Variants in MYH10 observed in about 807,000 individuals in gnomAD.
MYH10 encodes the protein myosin-10.
Under a neutral mutation model 257.8 loss-of-function variants are expected in MYH10, and 55 were observed. The ratio of observed to expected loss-of-function variants is 0.21; its 90% CI spans 0.17 to 0.27. The LOEUF (loss-of-function observed/expected upper bound fraction) is 0.27. Ranked by LOEUF, MYH10 falls within the 10% of genes least tolerant of loss-of-function variation. The pLI, the probability that MYH10 is intolerant of heterozygous loss-of-function variation, is 1.00. For missense variants in MYH10, 1,631 were observed against 2,500.6 expected, an observed-to-expected ratio of 0.65 and a Z score of 7.42; for synonymous variants, 854 against 921.7, an observed-to-expected ratio of 0.93 and a Z score of 1.33.
At position 8,554,118 on chromosome 17, in the gene MYH10, AC is replaced by A. The variant is rs1324071474; in HGVS notation, c.757-101del. The A allele has an allele frequency of 5.0e-6, 4 of 793,452 alleles. No homozygotes were observed. In the African/African-American group the frequency reaches 5.2e-5, roughly 10 times the overall value. The allele number at this position is 793,452 out of a possible 1,614,324, so 49.2% of individuals were successfully genotyped here. A position where few individuals can be genotyped will look rare whatever the true frequency, so the allele number is the denominator to read the frequency against. The stretch of plus-strand genomic sequence containing the variant: ...GACAACAAGTATCCATGAATTAGTT[AC>A]AATAATGGATCTTATATATTGCCTC... On this transcript the variant is annotated intron_variant, in intron 7 of 42. Transcript: ENST00000360416.
rs201523474 is a variant in MYH10 at position 8,493,154 on chromosome 17, G to GT, written c.4210-131dup. ...GCGGCAGGATCACTTGAGGTCAGGA[G>GT]TTTGAGACCAGCCAGGCCAACATAG... On this transcript the variant is annotated intron_variant, in intron 32 of 42. Coordinates refer to ENST00000360416, the MANE Select transcript of MYH10 (RefSeq NM_001256012.3). The GT allele has an allele frequency of 2.2e-3, 2,219 of 1,008,670 alleles. 36 individuals carry two copies. In the African/African-American group the frequency reaches 0.033, roughly 15 times the overall value. 62.5% of individuals were successfully genotyped at this position (1,008,670 alleles called of 1,614,324 possible).
chr17:8,560,874 G>A (rs2082968116), intron 7 of MYH10: 3 of 541,530 alleles, frequency 5.5e-6, no homozygotes, highest in Admixed American at 2.1e-5. Context: ...TGAGAAGAGG[G>A]AGTGAATATC....
intron 6 of MYH10, among the ~76,000 whole-genome samples, chr17:8,571,479 A>G (rs2083340032): frequency 6.6e-6 from 1 of 152,160 alleles, no homozygotes; most frequent in South Asian, 2.1e-4. Context: ...ACTGAGAGCC[A>G]TTGTTAAAAA....
At chr17:8,579,278 A>G (rs781612548) in intron 4 of MYH10, among the ~76,000 whole-genome samples, 21 of 12,242 alleles carry the variant, frequency 1.7e-3, no homozygotes, top group Middle Eastern at 0.062. Context: ...GACCCTGTCT[A>G]AAAAAAAAAA....
chr17:8,589,221 C>T (rs1242155795), intron 3 of MYH10, 113 bp from the exon 4 acceptor site: 6 of 1,060,732 alleles, frequency 5.7e-6, no homozygotes, highest in South Asian at 4.3e-5. Flanking sequence ...GTAACTACTC[C>T]TCTCGAGCCA....
chr17:8,505,745 C>G (rs563692346), intron 27 of MYH10, among the ~76,000 whole-genome samples: 3 of 152,290 alleles, frequency 2.0e-5, no homozygotes, highest in African/African-American at 7.2e-5. Context: ...CTTTGGGAGG[C>G]CAAGTCAGGT....
chr17:8,477,731 A>G lies in MYH10; in HGVS notation c.5706+607T>C, dbSNP rs902237525. Among the ~76,000 whole-genome samples the G allele has an allele frequency of 7.9e-5, 12 of 152,196 alleles. No individual in the cohort carries two copies. The highest frequency in any genetic ancestry group is 3.9e-4 in the Admixed American group (6 of 15,286). On this transcript the variant is annotated intron_variant, in intron 41 of 42. Transcript: ENST00000360416. This position sits in a 1 kb window ranked among gnomAD's most constrained non-coding sequence, Gnocchi z 4.2. ...CAAAGGCAGTGAAATCCTCAGATCC[A>G]TCCACCTTTCTGGCCAGTGTCTGCA...
chr17:8,587,866 C>T (rs2083967809), intron 4 of MYH10, among the ~76,000 whole-genome samples: 1 of 152,148 alleles, frequency 6.6e-6, no homozygotes, highest in African/African-American at 2.4e-5. Flanking sequence ...TTATTTTTGA[C>T]ATTTTCACCT....
chr17:8,495,635 C>T (rs1396214270), intron 30 of MYH10, among the ~76,000 whole-genome samples: 8 of 152,074 alleles, frequency 5.3e-5, no homozygotes, highest in South Asian at 2.1e-4. Context: ...CACGAATATG[C>T]GTTAACCATA....
intron 17 of MYH10, among the ~76,000 whole-genome samples, chr17:8,529,155 G>C (rs980023945): frequency 6.6e-6 from 1 of 152,050 alleles, no homozygotes; most frequent in Non-Finnish European, 1.5e-5. Flanking sequence ...GAGTGTCCGT[G>C]CTTTAGGTGG....
In MYH10 at chr17:8,481,308, C is replaced by T. The variant is rs199754321; in HGVS notation, c.5264+14G>A. 537 of 1,612,800 alleles carry T rather than the reference C, an allele frequency of 3.3e-4. No individual in the cohort carries two copies. Among genetic ancestry groups the T allele is most frequent in the Non-Finnish European group, 4.3e-4 (513 of 1,179,584 alleles). On this transcript the variant is annotated intron_variant, in intron 38 of 42. Coordinates refer to ENST00000360416, the MANE Select transcript of MYH10 (RefSeq NM_001256012.3). ...TGAGGGCGAAGAACCCACCCCCGGCCGTGGGAGACTCACTTGCCAGAGGCG... is the reference window on the plus strand; with the variant it reads ...TGAGGGCGAAGAACCCACCCCCGGCTGTGGGAGACTCACTTGCCAGAGGCG...
chr17:8,594,749 C>T (rs923240935), intron 3 of MYH10, among the ~76,000 whole-genome samples: 43 of 152,150 alleles, frequency 2.8e-4, no homozygotes, highest in African/African-American at 1.0e-3. Flanking sequence ...TCTGCAAATA[C>T]CCTACACACA....
chr17:8,563,891 G>A (rs1552924), intron 7 of MYH10, among the ~76,000 whole-genome samples: 2 of 3,538 alleles, frequency 5.7e-4, no homozygotes, highest in African/African-American at 8.5e-4. Context: ...AGTCAACTTG[G>A]AAAAAAAAAA....
intron 3 of MYH10, among the ~76,000 whole-genome samples, chr17:8,594,019 T>C (rs568963951): frequency 6.6e-6 from 1 of 152,302 alleles, no homozygotes; most frequent in South Asian, 2.1e-4. Context: ...GAATAGACCT[T>C]TGTTGATTTT....
chr17:8,478,892 G>T (rs904652122), intron 40 of MYH10, among the ~76,000 whole-genome samples: 2 of 152,124 alleles, frequency 1.3e-5, no homozygotes, highest in Non-Finnish European at 2.9e-5. Context: ...CCACCACGCT[G>T]GGCTAATTTG....
At chr17:8,499,712 CTAAG>C (rs1198121612) in intron 29 of MYH10, among the ~76,000 whole-genome samples, 1 of 152,194 alleles carries the variant, frequency 6.6e-6, no homozygotes, top group Admixed American at 6.5e-5. Context: ...GCTCACTGTG[CTAAG>C]TAATTAGCCT....
rs139275961 is a variant in MYH10, at chr17:8,627,253, G to C, written c.-32+3401C>G. Among the ~76,000 whole-genome samples, 159 of 152,204 alleles carry C rather than the reference G, an allele frequency of 1.0e-3. 2 individuals are homozygous for C. The Middle Eastern group carries it at 0.024, about 23-fold the overall frequency. ...CTAAACACTATGAGGAGAGTCATCT[G>C]TTCCACGCTGTATCTTGAGCATTTT... On this transcript the variant is annotated intron_variant, in intron 1 of 42. Transcript: ENST00000360416.
chr17:8,536,769 A>C lies in MYH10; in HGVS notation c.1606-838T>G, dbSNP rs1164721314. ...AGCCGAGATGGTGCCATTGCACTCCAGCCTGGGTAACAGAGCAAGACTCTG... is the reference window on the plus strand; with the variant it reads ...AGCCGAGATGGTGCCATTGCACTCCCGCCTGGGTAACAGAGCAAGACTCTG... On this transcript the variant is annotated intron_variant, in intron 14 of 42. Coordinates refer to ENST00000360416, the MANE Select transcript of MYH10 (RefSeq NM_001256012.3). Among the ~76,000 whole-genome samples the C allele has an allele frequency of 2.7e-5, 4 of 148,660 alleles. 1 individual carries two copies. In the South Asian group the frequency reaches 8.5e-4, roughly 31 times the overall value.
At chr17:8,570,751 CAT>C (rs2083305407) in intron 6 of MYH10, among the ~76,000 whole-genome samples, 1 of 152,148 alleles carries the variant, frequency 6.6e-6, no homozygotes, top group Admixed American at 6.5e-5. Context: ...AAGAACCTCA[CAT>C]GAGGCTTTTA....
Sources: allele counts gnomAD v4.1 joint callset (sites outside exome capture counted in the v4.1 genomes callset), GRCh38; gene constraint gnomAD v4.1.1; non-coding constraint Gnocchi (gnomAD v3.1); transcripts MANE v1.5; gene names NCBI Gene and HGNC (gene_info 2026-07-23, HGNC 2026-07-21).